The following SCFD2 variants were observed in gnomAD, a reference collection of about 807,000 sequenced individuals.
SCFD2 encodes the protein sec1 family domain-containing protein 2.
Under a neutral mutation model 58.9 loss-of-function variants are expected in SCFD2, and 54 were observed. That is an observed-to-expected ratio of 0.92 (90% confidence interval 0.74 to 1.15). The LOEUF (loss-of-function observed/expected upper bound fraction) is 1.15. Among genes scored for constraint, SCFD2 ranks in the 50% most tolerant of loss-of-function variants. SCFD2 has a pLI of 0.00. For missense variants in SCFD2, 805 were observed against 836.6 expected (o/e 0.96, Z 0.47); for synonymous variants, 321 against 335.9 (o/e 0.96, Z 0.49).
At chr4:52,933,547 G>A (rs1720053562) in intron 5 of SCFD2, among the ~76,000 whole-genome samples, 1 of 152,156 alleles carries the variant, frequency 6.6e-6, no homozygotes, top group Non-Finnish European at 1.5e-5. Context: ...AGAGAGTGGG[G>A]CTTGGGCTCA....
chr4:53,013,394 G>A (rs1722141073), intron 5 of SCFD2, among the ~76,000 whole-genome samples: 1 of 152,116 alleles, frequency 6.6e-6, no homozygotes. Flanking sequence ...CACTATAAAT[G>A]TCACCTTGTA....
At chr4:52,925,207 T>G (rs566535934) in intron 5 of SCFD2, among the ~76,000 whole-genome samples, 1 of 152,014 alleles carries the variant, frequency 6.6e-6, no homozygotes, top group East Asian at 1.9e-4. Context: ...CCAAAGTTGG[T>G]CCTGTTAAAC....
At chr4:53,275,680 T>C (rs1214843668) in intron 3 of SCFD2, among the ~76,000 whole-genome samples, 1 of 152,170 alleles carries the variant, frequency 6.6e-6, no homozygotes, top group African/African-American at 2.4e-5. Flanking sequence ...CTTTCCCTAG[T>C]TCCAGCCCTG....
At chr4:53,149,720 C>T (rs1292050884) in intron 4 of SCFD2, among the ~76,000 whole-genome samples, 1 of 152,156 alleles carries the variant, frequency 6.6e-6, no homozygotes, top group African/African-American at 2.4e-5. Context: ...ATGCCATCTT[C>T]CCTCATGTGA....
At chr4:53,248,867 G>C (rs565298160) in intron 4 of SCFD2, among the ~76,000 whole-genome samples, 5 of 152,326 alleles carry the variant, frequency 3.3e-5, no homozygotes, top group Admixed American at 6.5e-5. Context: ...AAACAGAACA[G>C]AAAAACTCGA....
chr4:53,156,129 A>G (rs1293443524), intron 4 of SCFD2, among the ~76,000 whole-genome samples: 1 of 152,190 alleles, frequency 6.6e-6, no homozygotes, highest in African/African-American at 2.4e-5. Context: ...CACACCTGTA[A>G]TCCCTGCACT....
At chr4:53,330,287 T>A (rs1024761420) in intron 2 of SCFD2, among the ~76,000 whole-genome samples, 1 of 151,490 alleles carries the variant, frequency 6.6e-6, no homozygotes, top group Non-Finnish European at 1.5e-5. Flanking sequence ...CCAAGACACA[T>A]AATTGTCAGA....
intron 4 of SCFD2, among the ~76,000 whole-genome samples, chr4:53,243,236 T>C (rs1233145522): frequency 6.6e-6 from 1 of 152,110 alleles, no homozygotes; most frequent in Non-Finnish European, 1.5e-5. Flanking sequence ...ACAGAAAGTA[T>C]AGGTCACCTA....
At position 52,984,709 on chromosome 4, in the gene SCFD2, C is replaced by T. The variant is rs140885800; in HGVS notation, c.1562-63839G>A. 2.5e-3 allele frequency among the ~76,000 whole-genome samples: 380 copies of T among 152,304 alleles called. 2 individuals carry two copies. Among genetic ancestry groups the T allele is most frequent in the African/African-American group, 9.0e-3 (372 of 41,562 alleles). On this transcript the variant is annotated intron_variant, in intron 5 of 8. Coordinates refer to ENST00000401642, the MANE Select transcript of SCFD2 (RefSeq NM_152540.4). ...CCTTAGGTCGGCAGAGGCCTGAAGT[C>T]ATTTGTCATCCAAATATAAGGGGAG...
chr4:52,903,583 T>C (rs1055524407), intron 7 of SCFD2, among the ~76,000 whole-genome samples: 2 of 152,212 alleles, frequency 1.3e-5, no homozygotes, highest in African/African-American at 2.4e-5. Flanking sequence ...GTAAGGCCTA[T>C]ACAGGTGCCG....
intron 7 of SCFD2, among the ~76,000 whole-genome samples, chr4:52,890,265 G>C (rs1204235185): frequency 6.6e-6 from 1 of 152,198 alleles, no homozygotes; most frequent in Non-Finnish European, 1.5e-5. Flanking sequence ...AATCTTGGAA[G>C]GATGTATTGA....
chr4:53,144,411 A>G (rs1332474061), intron 5 of SCFD2, among the ~76,000 whole-genome samples: 1 of 149,602 alleles, frequency 6.7e-6, no homozygotes, highest in African/African-American at 2.4e-5. Flanking sequence ...ACATGTATAT[A>G]TATGGACTTA....
intron 3 of SCFD2, among the ~76,000 whole-genome samples, chr4:53,289,932 A>T (rs540355709): frequency 1.7e-4 from 26 of 152,350 alleles, no homozygotes; most frequent in African/African-American, 6.0e-4. Context: ...AGAGGACATA[A>T]CAATTATAAA....
intron 4 of SCFD2, among the ~76,000 whole-genome samples, chr4:53,186,348 T>C (rs1457910534): frequency 1.3e-5 from 2 of 152,244 alleles, no homozygotes; most frequent in East Asian, 3.9e-4. Flanking sequence ...TCTTTATGAA[T>C]GCTTCTCTTT....
chr4:52,920,695 AG>A, intron 6 of SCFD2, 29 bp downstream of exon 6: 1 of 1,367,886 alleles, frequency 7.3e-7, no homozygotes, highest in African/African-American at 1.6e-5. Context: ...ACAACAGATT[AG>A]AAGGTTACTT....
chr4:53,145,660 G>T, intron 4 of SCFD2, 78 bp from the exon 5 acceptor site: 2 of 1,313,192 alleles, frequency 1.5e-6, no homozygotes, highest in Non-Finnish European at 2.1e-6. Context: ...TCGAATGATA[G>T]CTTTCAAACA....
intron 4 of SCFD2, chr4:53,265,424 C>T (rs1385403751): frequency 1.3e-5 from 2 of 152,110 alleles, no homozygotes; most frequent in Non-Finnish European, 2.9e-5. Flanking sequence ...TGCTAATGCA[C>T]AATTTTTCTT....
At position 52,920,783 on chromosome 4, in the gene SCFD2, G is replaced by C; in HGVS notation, c.1649C>G (p.Ala550Gly). 6.2e-7 allele frequency: 1 copy of C among 1,611,036 alleles called. No homozygotes were observed. The highest frequency in any genetic ancestry group is 1.1e-5 in the South Asian group (1 of 90,918). The change falls in exon 6 of 9, where the codon GCT (alanine) becomes GGT (glycine). Residue 550 changes from alanine to glycine, a missense_variant. By Grantham distance (60) the Ala-to-Gly change is moderately conservative (BLOSUM62 0). Around this residue, in one of 3 missense-constraint regions of SCFD2, gnomAD observed 633 missense variants for 646.8 expected, o/e 0.98. Coordinates refer to ENST00000401642, the MANE Select transcript of SCFD2 (RefSeq NM_152540.4). ...CTTAAACTGTTTCAGGAGACTCCGA[G>C]CTCCAGCAATATCCCGAAGTGAAGT... ...LFTSLRDIAG[A>G]RSLLKQFKSV... is the part of the protein sequence containing the mutation.
chr4:52,939,890 G>T (rs1358467194), intron 5 of SCFD2, among the ~76,000 whole-genome samples: 2 of 152,190 alleles, frequency 1.3e-5, no homozygotes, highest in Non-Finnish European at 2.9e-5. Flanking sequence ...ACATAACTCT[G>T]GTGGCATGCT....
Sources: allele counts gnomAD v4.1 joint callset (sites outside exome capture counted in the v4.1 genomes callset), GRCh38; gene constraint gnomAD v4.1.1; regional missense constraint gnomAD v4.1.1; transcripts MANE v1.5; gene names NCBI Gene and HGNC (gene_info 2026-07-23, HGNC 2026-07-21).